Variants in UHRF2 observed in about 807,000 individuals in gnomAD.
UHRF2 encodes ubiquitin like with PHD and ring finger domains 2, also known as E3 ubiquitin-protein ligase UHRF2.
In UHRF2, 23 loss-of-function variants were observed where a neutral mutation model predicts 96.8. The ratio of observed to expected loss-of-function variants is 0.24; its 90% CI spans 0.17 to 0.34. UHRF2 has a LOEUF of 0.34. Among genes scored for constraint, UHRF2 ranks in the 10% least tolerant of loss-of-function variants. The pLI, the probability that UHRF2 is intolerant of heterozygous loss-of-function variation, is 1.00. For synonymous variants in UHRF2, 385 were observed against 332.6 expected (o/e 1.16, Z -1.72); for missense variants, 685 against 981.5 (o/e 0.70, Z 4.04).
At chr9:6,450,176 CCAAT>C (rs942538319) in intron 3 of UHRF2, among the ~76,000 whole-genome samples, 9 of 152,042 alleles carry the variant, frequency 5.9e-5, no homozygotes, top group African/African-American at 2.2e-4. Flanking sequence ...CATCAAATAA[CCAAT>C]CAATGTTCAT....
At chr9:6,439,577 A>G (rs1470489912) in intron 3 of UHRF2, among the ~76,000 whole-genome samples, 1 of 152,246 alleles carries the variant, frequency 6.6e-6, no homozygotes, top group Non-Finnish European at 1.5e-5. Flanking sequence ...TACAAAGTAG[A>G]TAGATATTTA....
At chr9:6,431,698 A>T (rs1820571552) in intron 2 of UHRF2, among the ~76,000 whole-genome samples, 1 of 152,130 alleles carries the variant, frequency 6.6e-6, no homozygotes, top group Admixed American at 6.5e-5. Context: ...CAGTATTTTG[A>T]GGTTGATTTA....
chr9:6,463,506 T>C, intron 4 of UHRF2, among the ~76,000 whole-genome samples: 1 of 151,908 alleles, frequency 6.6e-6, no homozygotes, highest in Non-Finnish European at 1.5e-5. Flanking sequence ...GGTCTCGCTC[T>C]GTTGCCCAGG....
In UHRF2 at chr9:6,482,692, G is replaced by T. The variant is rs538178864; in HGVS notation, c.1392+593G>T. On this transcript the variant is annotated intron_variant, in intron 8 of 15. Coordinates refer to ENST00000276893, the MANE Select transcript of UHRF2 (RefSeq NM_152896.3). The stretch of plus-strand genomic sequence containing the variant: ...GCTCACTGCAAGCTCTGCCTCGTGG[G>T]TTCACGCCATTCTCCTGCCTCAGCC... Among the ~76,000 whole-genome samples, 176 of 151,798 alleles carry T rather than the reference G, an allele frequency of 1.2e-3. No individual in the cohort carries two copies. The East Asian group carries it at 0.025, about 22-fold the overall frequency.
Position 6,413,439 on chromosome 9 carries a change from G to A in UHRF2, c.-52G>A, listed in dbSNP as rs1819405793. On this transcript the variant is annotated 5_prime_UTR_variant, in exon 1 of 16. Transcript: ENST00000276893. ...CGGCGCGGGCCGGGCGGGGCGCGGC[G>A]CCCAGAGCTCAGGGGGAGACAAAGG... 4 of 1,352,126 alleles carry A rather than the reference G, an allele frequency of 3.0e-6. No individual in the cohort carries two copies. The highest frequency in any genetic ancestry group is 1.5e-5 in the African/African-American group (1 of 66,702). 83.8% of individuals were successfully genotyped at this position (1,352,126 alleles called of 1,614,324 possible).
At chr9:6,473,452 A>G (rs1823372185) in intron 4 of UHRF2, among the ~76,000 whole-genome samples, 1 of 152,224 alleles carries the variant, frequency 6.6e-6, no homozygotes, top group Non-Finnish European at 1.5e-5. Context: ...AAATGAGATG[A>G]GAAAGGAATG....
At chr9:6,449,693 C>A (rs1821735643) in intron 3 of UHRF2, 1 of 152,228 alleles carries the variant, frequency 6.6e-6, no homozygotes, top group African/African-American at 2.4e-5. Flanking sequence ...AAAAATAGTT[C>A]TCTGTGCCTA....
intron 3 of UHRF2, among the ~76,000 whole-genome samples, chr9:6,447,324 T>A (rs1280013642): frequency 6.6e-6 from 1 of 152,364 alleles, no homozygotes; most frequent in East Asian, 1.9e-4. Context: ...AAGTTGGACA[T>A]GTTTCCAGAC....
At chr9:6,474,837 A>C (rs1276179623) in intron 4 of UHRF2, among the ~76,000 whole-genome samples, 2 of 152,224 alleles carry the variant, frequency 1.3e-5, no homozygotes, top group African/African-American at 4.8e-5. Context: ...TATTTGAAAG[A>C]CTTTATGAAA....
intron 3 of UHRF2, chr9:6,449,517 T>C (rs758485403): frequency 6.6e-6 from 1 of 152,184 alleles, no homozygotes; most frequent in African/African-American, 2.4e-5. Context: ...TCCCAGAGTA[T>C]CCAACGGACA....
chr9:6,469,294 T>C (rs1164874002), intron 4 of UHRF2, among the ~76,000 whole-genome samples: 2 of 151,970 alleles, frequency 1.3e-5, no homozygotes, highest in African/African-American at 4.8e-5. Context: ...CCGAGGCAGG[T>C]GGATCATGAG....
intron 3 of UHRF2, among the ~76,000 whole-genome samples, chr9:6,457,956 G>A (rs1331549484): frequency 1.3e-5 from 2 of 152,162 alleles, no homozygotes; most frequent in East Asian, 3.9e-4. Flanking sequence ...AGGGATATTG[G>A]CCTGAAATTT....
chr9:6,421,222 A>G, intron 2 of UHRF2, 80 bp downstream of exon 2: 1 of 1,065,626 alleles, frequency 9.4e-7, no homozygotes, highest in Non-Finnish European at 1.4e-6. Flanking sequence ...GAATAAGTAA[A>G]CATTGATTGC....
rs561921694 is a variant in UHRF2 at position 6,422,856 on chromosome 9, C to T, written c.384+1714C>T. ...ATTTCTGGTAGCTTTGTTTTTGATG[C>T]AATTATTATATATGGTTATCTTCTA... On this transcript the variant is annotated intron_variant, in intron 2 of 15. Transcript: ENST00000276893. 2.3e-5 allele frequency: 9 copies of T among 391,072 alleles called. 1 individual carries two copies. The South Asian group carries it at 1.2e-3, about 54-fold the overall frequency. The allele number at this position is 391,072 out of a possible 1,614,324, so 24.2% of individuals were successfully genotyped here.
Position 6,433,933 on chromosome 9 carries a change from C to T in UHRF2, c.404C>T (p.Ala135Val). 6.2e-7 allele frequency: 1 copy of T among 1,608,330 alleles called. No individual in the cohort carries two copies. The highest frequency in any genetic ancestry group is 8.5e-7 in the Non-Finnish European group (1 of 1,175,570). Reference protein sequence around the residue: ...GIYKVNELVDARDVGLGAWFE... With the variant: ...GIYKVNELVDVRDVGLGAWFE... ...TTTTAGGTAAATGAATTGGTGGATG[C>T]CAGAGATGTCGGCCTTGGTGCTTGG... The change falls in exon 3 of 16, where the codon GCC (alanine) becomes GTC (valine). Residue 135 changes from alanine (A) to valine (V), a missense_variant. Physicochemically the swap from Ala to Val is moderately conservative, Grantham distance 64. Coordinates refer to ENST00000276893, the MANE Select transcript of UHRF2 (RefSeq NM_152896.3).
intron 6 of UHRF2, among the ~76,000 whole-genome samples, chr9:6,480,026 G>T (rs1823830553): frequency 6.6e-6 from 1 of 151,952 alleles, no homozygotes; most frequent in Non-Finnish European, 1.5e-5. Context: ...ATTTCACTTA[G>T]AATAAAAAAA....
In UHRF2 at chr9:6,455,686, C is replaced by T. The variant is rs999964919; in HGVS notation, c.645-4887C>T. 3.3e-5 allele frequency among the ~76,000 whole-genome samples: 5 copies of T among 152,170 alleles called. No individual in the cohort carries two copies. In the South Asian group the frequency reaches 1.0e-3, roughly 32 times the overall value. On this transcript the variant is annotated intron_variant, in intron 3 of 15. Coordinates refer to ENST00000276893, the MANE Select transcript of UHRF2 (RefSeq NM_152896.3). ...GTCTGATGATATCAGGAAGTTAGGC[C>T]TAAAAGTGAAGAACCTGGCTCAGCA... is the stretch of plus-strand genomic sequence containing the variant.
At chr9:6,431,176 T>A (rs1423335809) in intron 2 of UHRF2, among the ~76,000 whole-genome samples, 5 of 152,252 alleles carry the variant, frequency 3.3e-5, no homozygotes, top group African/African-American at 9.6e-5. Flanking sequence ...CAAATTTTGC[T>A]TGACTTAGTA....
At chr9:6,502,724 A>G (rs540973380) in intron 14 of UHRF2, among the ~76,000 whole-genome samples, 18 of 152,332 alleles carry the variant, frequency 1.2e-4, no homozygotes, top group African/African-American at 3.1e-4. Flanking sequence ...CTGTAACTCA[A>G]AATACCTGTA....
Sources: allele counts gnomAD v4.1 joint callset (sites outside exome capture counted in the v4.1 genomes callset), GRCh38; gene constraint gnomAD v4.1.1; transcripts MANE v1.5; gene names NCBI Gene and HGNC (gene_info 2026-07-23, HGNC 2026-07-21).